OTOG: variants seen among roughly 807,000 people sequenced by gnomAD.
The protein encoded by OTOG is otogelin.
OTOG carries 296 observed loss-of-function variants against 313.8 expected under a neutral mutation model. The ratio of observed to expected loss-of-function variants is 0.94; its 90% CI spans 0.86 to 1.04. The LOEUF (loss-of-function observed/expected upper bound fraction) is 1.04, where lower values mean the gene tolerates loss of function less well. Among genes scored for constraint, OTOG ranks in the 50% least tolerant of loss-of-function variants. The pLI is 0.00. For missense variants in OTOG, 3,948 were observed against 3,840.1 expected (o/e 1.03, Z -0.74); for synonymous variants, 1,533 against 1,554.9 (o/e 0.99, Z 0.33).
chr11:17,632,022 G>C (rs572502226), intron 41 of OTOG, 66 bp from the exon 42 acceptor site: 39 of 1,541,114 alleles, frequency 2.5e-5, no homozygotes, highest in South Asian at 6.0e-5. Flanking sequence ...GGGCAGGGAG[G>C]GGAGGAGCTG....
At chr11:17,560,620 G>T in intron 12 of OTOG, 89 bp from the exon 13 acceptor site, 1 of 900,012 alleles carries the variant, frequency 1.1e-6, no homozygotes. Flanking sequence ...AGTTAGATAA[G>T]GGGATCTTTA....
intron 40 of OTOG, among the ~76,000 whole-genome samples, chr11:17,630,737 C>G (rs894580012): frequency 1.3e-5 from 2 of 152,088 alleles, no homozygotes; most frequent in African/African-American, 4.8e-5. Flanking sequence ...CTGAGGCGTC[C>G]TTGAAGGAAG....
chr11:17,597,862 C>G (rs937112749), intron 30 of OTOG, among the ~76,000 whole-genome samples: 1 of 152,196 alleles, frequency 6.6e-6, no homozygotes, highest in Non-Finnish European at 1.5e-5. Context: ...CTGAGTTGGC[C>G]TGGGACATAT....
Position 17,613,646 on chromosome 11 carries a change from T to A in OTOG, c.6473T>A (p.Met2158Lys). 6.4e-7 allele frequency: 1 copy of A among 1,550,776 alleles called. No homozygotes were observed. Residue 2158 changes from methionine to lysine, a missense_variant, in exon 39 of 56, where the codon ATG becomes AAG. Transcript: ENST00000399397. ...HLNWPPFCLV[M>K]LNMTHLAHQV... ...AACTGGCCCCCGTTCTGTCTGGTGA[T>A]GTTGAACATGACTCACTTGGCCCAT...
chr11:17,609,035 C>A, intron 34 of OTOG, 95 bp from the exon 35 acceptor site: 1 of 971,690 alleles, frequency 1.0e-6, no homozygotes, highest in Non-Finnish European at 1.6e-6. Flanking sequence ...GCACATGTGT[C>A]ATAAGAAAGG....
In OTOG at chr11:17,593,972, C is replaced by T. The variant is rs1853023751; in HGVS notation, c.3289-75C>T. 6.5e-6 allele frequency: 10 copies of T among 1,533,164 alleles called. No homozygotes were observed. In the South Asian group the frequency reaches 1.2e-4, roughly 19 times the overall value. 95.0% of individuals were successfully genotyped at this position (1,533,164 alleles called of 1,614,324 possible). A position where few individuals can be genotyped will look rare whatever the true frequency, so the allele number is the denominator to read the frequency against. On this transcript the variant is annotated intron_variant, in intron 27 of 55. Transcript: ENST00000399397. ...TCTAGGTCTATGATAGACTCCTGGG[C>T]TCATGGTGACCCCTCTGCCCGTGGC...
At chr11:17,622,252 T>C (rs895604041) in intron 39 of OTOG, among the ~76,000 whole-genome samples, 3 of 152,222 alleles carry the variant, frequency 2.0e-5, no homozygotes, top group Non-Finnish European at 4.4e-5. Flanking sequence ...TATGGGTAGA[T>C]AGTAGGTATA....
intron 53 of OTOG, 43 bp from the exon 54 acceptor site, chr11:17,643,418 G>A: frequency 1.5e-6 from 2 of 1,355,344 alleles, no homozygotes; most frequent in Non-Finnish European, 1.9e-6. Flanking sequence ...GCCTGGACAG[G>A]GGTCTCCACA....
In OTOG at chr11:17,605,920, A is replaced by G. The variant is rs771674848; in HGVS notation, c.3941A>G (p.Asn1314Ser). The change falls in exon 33 of 56, where the codon AAC (asparagine) becomes AGC (serine). Residue 1314 changes from asparagine to serine, a missense_variant. Physicochemically the swap from Asn to Ser is conservative, Grantham distance 46 (BLOSUM62 1). Coordinates refer to ENST00000399397, the MANE Select transcript of OTOG (RefSeq NM_001292063.2). ...AACTTCTTCCTTCACGTCACAGCCA[A>G]CGGGTCTCTGGAGCTGGCTAAGTGG... ...RPNFFLHVTA[N>S]GSLELAKWQG... 18 of 1,550,526 alleles carry G rather than the reference A, an allele frequency of 1.2e-5. No homozygotes were observed. Among genetic ancestry groups the G allele is most frequent in the South Asian group, 3.6e-5 (3 of 84,058 alleles).
At chr11:17,563,873 T>TTC (rs1316050239) in intron 15 of OTOG, among the ~76,000 whole-genome samples, 15 of 148,968 alleles carry the variant, frequency 1.0e-4, no homozygotes, top group African/African-American at 3.7e-4. Flanking sequence ...TTTTTTTTTT[T>TTC]TTTTGGTATT....
chr11:17,643,630 T>C (rs1848017933), intron 54 of OTOG, 124 bp downstream of exon 54: 2 of 624,158 alleles, frequency 3.2e-6, no homozygotes, highest in South Asian at 4.1e-5. Context: ...CTGGGCTGAG[T>C]AGATGAAGGG....
chr11:17,639,449 C>T lies in OTOG; in HGVS notation c.7921C>T (p.Pro2641Ser). The T allele has an allele frequency of 1.3e-6, 2 of 1,550,694 alleles. No individual in the cohort carries two copies. The highest frequency in any genetic ancestry group is 1.2e-5 in the South Asian group (1 of 84,054). Residue 2641 changes from proline (P) to serine (S), a missense_variant, in exon 49 of 56, where the codon CCC (proline) becomes TCC (serine). Physicochemically the swap from Pro to Ser is moderately conservative, Grantham distance 74. Coordinates refer to ENST00000399397, the MANE Select transcript of OTOG (RefSeq NM_001292063.2). ...ATGTGACTGTGACACAATCCCGGTG[C>T]CCCGGTGCCATCTGGTATGGAGACG... ...CECDCDTIPV[P>S]RCHLWEKSQL...
chr11:17,636,220 A>G (rs1376689299), intron 47 of OTOG, among the ~76,000 whole-genome samples: 1 of 152,174 alleles, frequency 6.6e-6, no homozygotes, highest in Non-Finnish European at 1.5e-5. Context: ...GATACTGTAT[A>G]TACATGTAGA....
chr11:17,555,743 G>C, intron 6 of OTOG, 36 bp from the exon 7 acceptor site: 1 of 1,512,794 alleles, frequency 6.6e-7, no homozygotes, highest in Admixed American at 2.0e-5. Flanking sequence ...GCCTGTGGCA[G>C]GAGCCTGCAA....
At chr11:17,576,846 C>T (rs1002506397) in intron 21 of OTOG, 22 bp from the exon 22 acceptor site, 3 of 1,550,068 alleles carry the variant, frequency 1.9e-6, no homozygotes, top group Non-Finnish European at 1.7e-6. Flanking sequence ...CGGCTAACCC[C>T]AGGGCCCGTC....
chr11:17,610,260 A>G lies in OTOG; in HGVS notation c.4960A>G (p.Ile1654Val). 6.4e-7 allele frequency: 1 copy of G among 1,550,520 alleles called. No individual in the cohort carries two copies. Among genetic ancestry groups the G allele is most frequent in the Non-Finnish European group, 8.7e-7 (1 of 1,146,948 alleles). ...CAGACCTGTGGCTTCCCCTGGAGCCATCTCCAGGTCCCCCACCTCCTCGGG... is the reference window on the plus strand; with the variant it reads ...CAGACCTGTGGCTTCCCCTGGAGCCGTCTCCAGGTCCCCCACCTCCTCGGG... ...SSRPVASPGA[I>V]SRSPTSSGSH... The change falls in exon 36 of 56, where the codon ATC (isoleucine) becomes GTC (valine). Residue 1654 changes from isoleucine (I) to valine (V), a missense_variant. Coordinates refer to ENST00000399397, the MANE Select transcript of OTOG (RefSeq NM_001292063.2).
At chr11:17,604,768 G>A (rs1339031900) in intron 32 of OTOG, among the ~76,000 whole-genome samples, 2 of 152,202 alleles carry the variant, frequency 1.3e-5, no homozygotes, top group African/African-American at 4.8e-5. Flanking sequence ...GCTGAATGAA[G>A]ATATTTTTCA....
In OTOG at chr11:17,617,881, C is replaced by G. The variant is rs899542718; in HGVS notation, c.6528+4180C>G. The stretch of plus-strand genomic sequence containing the variant: ...TTTTTCTAGTTTGTTAAGGAAGAAG[C>G]CTATGTCATTAATTTGAGAACTTTC... On this transcript the variant is annotated intron_variant, in intron 39 of 55. Coordinates refer to ENST00000399397, the MANE Select transcript of OTOG (RefSeq NM_001292063.2). 5.9e-5 allele frequency among the ~76,000 whole-genome samples: 9 copies of G among 151,384 alleles called. No homozygotes were observed. The South Asian group carries it at 1.5e-3, about 25-fold the overall frequency.
At chr11:17,570,055 C>G (rs1221060408) in intron 16 of OTOG, among the ~76,000 whole-genome samples, 158 bp from the exon 17 acceptor site, 1 of 152,192 alleles carries the variant, frequency 6.6e-6, no homozygotes, top group Non-Finnish European at 1.5e-5. Flanking sequence ...CTCAAGCCTC[C>G]CCATACCAGC....
Sources: gnomAD v4.1 joint callset for allele counts (sites outside exome capture counted in the v4.1 genomes callset) on GRCh38, gnomAD v4.1.1 for gene constraint, MANE v1.5 for transcripts, NCBI Gene and HGNC (gene_info 2026-07-23, HGNC 2026-07-21) for gene names.